The following PTRH2 variants were observed in gnomAD, a reference collection of about 807,000 sequenced individuals.
PTRH2 encodes peptidyl-tRNA hydrolase 2, mitochondrial.
PTRH2 carries 10 observed loss-of-function variants against 12.3 expected under a neutral mutation model. The observed-to-expected ratio is 0.81, with a 90% CI of 0.50 to 1.38. PTRH2 has a LOEUF of 1.38. PTRH2 is among the 40% of genes most tolerant of loss of function. The pLI, the probability that PTRH2 is intolerant of heterozygous loss-of-function variation, is 0.00. For synonymous variants in PTRH2, 73 were observed against 77.4 expected, an observed-to-expected ratio of 0.94 and a Z score of 0.30; for missense variants, 176 against 214.1, an observed-to-expected ratio of 0.82 and a Z score of 1.11.
chr17:59,700,529 A>C (rs2033537126), intron 1 of PTRH2: 1 of 152,196 alleles, frequency 6.6e-6, no homozygotes, highest in South Asian at 2.1e-4. Context: ...CTTTAAAGTT[A>C]GGGCATTATA....
At chr17:59,705,055 T>C (rs1236804778) in intron 1 of PTRH2, among the ~76,000 whole-genome samples, 1 of 152,222 alleles carries the variant, frequency 6.6e-6, no homozygotes, top group Admixed American at 6.5e-5. Context: ...CCCAAAGTGC[T>C]GGGATACAGG....
intron 1 of PTRH2, chr17:59,700,520 T>C (rs1325256519): frequency 6.6e-6 from 1 of 152,242 alleles, no homozygotes; most frequent in Non-Finnish European, 1.5e-5. Context: ...TATGTTCTTC[T>C]TTAAAGTTAG....
intron 1 of PTRH2, among the ~76,000 whole-genome samples, chr17:59,706,382 G>C (rs2033659300): frequency 6.6e-6 from 1 of 151,994 alleles, no homozygotes; most frequent in East Asian, 1.9e-4. Flanking sequence ...GTCTCACTAT[G>C]TGGCCCCCTA....
intron 1 of PTRH2, among the ~76,000 whole-genome samples, chr17:59,703,314 T>TG (rs2033586969): frequency 6.6e-6 from 1 of 151,888 alleles, no homozygotes; most frequent in East Asian, 1.9e-4. Context: ...CATGAGCCAC[T>TG]GTGCCTGGCT....
At chr17:59,706,198 C>G (rs2033652690) in intron 1 of PTRH2, among the ~76,000 whole-genome samples, 1 of 152,180 alleles carries the variant, frequency 6.6e-6, no homozygotes, top group Admixed American at 6.5e-5. Context: ...CATTCTTTGT[C>G]TCATAAATAA....
At chr17:59,699,111 C>T (rs1043012924) in intron 1 of PTRH2, 7 of 528,622 alleles carry the variant, frequency 1.3e-5, no homozygotes, top group Non-Finnish European at 1.7e-5. Context: ...CTTCTTTTCA[C>T]TATATATTTC....
intron 1 of PTRH2, among the ~76,000 whole-genome samples, chr17:59,706,639 T>C (rs56328756): frequency 0.12 from 18,599 of 150,992 alleles, 1,250 homozygotes; most frequent in Middle Eastern, 0.24. Flanking sequence ...CTCTAGTTAA[T>C]CTCTTTGTGT....
chr17:59,704,101 C>T (rs2033601712), intron 1 of PTRH2, among the ~76,000 whole-genome samples: 1 of 152,206 alleles, frequency 6.6e-6, no homozygotes, highest in Non-Finnish European at 1.5e-5. Flanking sequence ...AGCCACCATG[C>T]CCTGCCGAGC....
chr17:59,697,451 T>G lies in PTRH2; in HGVS notation c.528A>C (p.Leu176=), dbSNP rs761123431. The G allele has an allele frequency of 3.1e-6, 5 of 1,609,702 alleles. No individual in the cohort carries two copies. The highest frequency in any genetic ancestry group is 4.2e-6 in the Non-Finnish European group (5 of 1,176,556). ...ADLIDKVTGH[L]KLY ...TATCAAAGTCCACCTAGTAAAGTTT[T>G]AGGTGACCAGTGACTTTGTCAATTA... The change falls in exon 2 of 2, where the codon CTA becomes CTC. Residue 176 remains leucine, a synonymous_variant. Transcript: ENST00000393038.
chr17:59,706,910 T>C (rs2143661162), intron 1 of PTRH2, among the ~76,000 whole-genome samples: 1 of 152,042 alleles, frequency 6.6e-6, no homozygotes, highest in Admixed American at 6.6e-5. Context: ...TGACCTCAGG[T>C]GATCCGCCCA....
At chr17:59,705,493 C>T (rs1250885327) in intron 1 of PTRH2, among the ~76,000 whole-genome samples, 4 of 152,234 alleles carry the variant, frequency 2.6e-5, no homozygotes, top group Non-Finnish European at 4.4e-5. Flanking sequence ...GATCATAGCT[C>T]GCTACAGCCT....
rs1172101212 is a variant in PTRH2 at position 59,697,586 on chromosome 17, G to T, written c.393C>A (p.Ala131=). The change falls in exon 2 of 2, where the codon GCC becomes GCA. Residue 131 remains alanine, a synonymous_variant. Transcript: ENST00000393038. ...CAGTCAGTCCCAGCATTTTTGCATG[G>T]GCCAATAATGCAATCAGGGTTTCTT... The part of the protein sequence containing the change: ...PDEETLIALL[A]HAKMLGLTVS... 6.2e-7 allele frequency: 1 copy of T among 1,614,060 alleles called. No homozygotes were observed. The highest frequency in any genetic ancestry group is 1.7e-5 in the Admixed American group (1 of 60,006).
In PTRH2 at chr17:59,697,424, CAT is replaced by C; in HGVS notation, c.*13_*14del. On this transcript the variant is annotated 3_prime_UTR_variant, in exon 2 of 2. Coordinates refer to ENST00000393038, the MANE Select transcript of PTRH2 (RefSeq NM_016077.5). ...ACACTTGTGATGGAGGGGTTGTTGT[CAT>C]ATCAAAGTCCACCTAGTAAAGTTTT... The C allele has an allele frequency of 6.3e-7, 1 of 1,592,532 alleles. No homozygotes were observed. Among genetic ancestry groups the C allele is most frequent in the Middle Eastern group, 1.7e-4 (1 of 5,822 alleles).
chr17:59,705,076 C>G (rs1001515976), intron 1 of PTRH2, among the ~76,000 whole-genome samples: 1 of 152,208 alleles, frequency 6.6e-6, no homozygotes, highest in South Asian at 2.1e-4. Context: ...CATGGGCCAC[C>G]ATGCCTGGCC....
intron 1 of PTRH2, chr17:59,699,235 C>T (rs554822637): frequency 4.1e-5 from 9 of 218,144 alleles, no homozygotes; most frequent in Non-Finnish European, 8.3e-5. Flanking sequence ...GCAAATGCCT[C>T]TGCCAGTTTC....
At chr17:59,705,446 G>A (rs932029098) in intron 1 of PTRH2, among the ~76,000 whole-genome samples, 2 of 151,620 alleles carry the variant, frequency 1.3e-5, no homozygotes, top group African/African-American at 4.8e-5. Context: ...AAGAGAAGGG[G>A]TCTCCCTCTG....
At chr17:59,704,053 C>T (rs1390979474) in intron 1 of PTRH2, among the ~76,000 whole-genome samples, 1 of 151,726 alleles carries the variant, frequency 6.6e-6, no homozygotes, top group Non-Finnish European at 1.5e-5. Flanking sequence ...GGTGATCCAC[C>T]CACCTCGACC....
At chr17:59,702,926 TAATA>T (rs775600211) in intron 1 of PTRH2, among the ~76,000 whole-genome samples, 4 of 152,232 alleles carry the variant, frequency 2.6e-5, no homozygotes, top group Admixed American at 6.5e-5. Context: ...TATTGTACGC[TAATA>T]AATTAAGTGT....
At chr17:59,704,643 G>C (rs1426086749) in intron 1 of PTRH2, among the ~76,000 whole-genome samples, 2 of 152,178 alleles carry the variant, frequency 1.3e-5, no homozygotes, top group African/African-American at 2.4e-5. Flanking sequence ...AGGAGTAGGA[G>C]GGTCACATAG....
Sources: allele counts gnomAD v4.1 joint callset (sites outside exome capture counted in the v4.1 genomes callset), GRCh38; gene constraint gnomAD v4.1.1; transcripts MANE v1.5; gene names NCBI Gene and HGNC (gene_info 2026-07-23, HGNC 2026-07-21).